TMPRSS5: variants seen among roughly 807,000 people sequenced by gnomAD.
TMPRSS5 encodes transmembrane serine protease 5, also known as transmembrane protease serine 5.
In TMPRSS5, 45 loss-of-function variants were observed where a neutral mutation model predicts 59.7. That is an observed-to-expected ratio of 0.75 (90% CI 0.59 to 0.97). TMPRSS5 has a LOEUF of 0.97. Among genes scored for constraint, TMPRSS5 ranks in the 50% least tolerant of loss-of-function variants. TMPRSS5 has a pLI of 0.00. For synonymous variants in TMPRSS5, 225 were observed against 232.0 expected (o/e 0.97, Z 0.27); for missense variants, 585 against 596.7 (o/e 0.98, Z 0.20).
intron 9 of TMPRSS5, among the ~76,000 whole-genome samples, chr11:113,691,882 C>CTTTTTT (rs1335395772): frequency 8.5e-5 from 6 of 70,754 alleles, no homozygotes; most frequent in Middle Eastern, 9.3e-3. Flanking sequence ...GTTTTCTTTT[C>CTTTTTT]CTTTTTTTTC....
intron 10 of TMPRSS5, 134 bp downstream of exon 10, chr11:113,690,707 C>A: frequency 2.3e-6 from 2 of 871,630 alleles, no homozygotes; most frequent in Non-Finnish European, 3.6e-6. Flanking sequence ...AGACCCTAGG[C>A]CTGACCAAGG....
chr11:113,696,848 G>A lies in TMPRSS5; in HGVS notation c.578+10C>T, dbSNP rs749116889. 1.3e-6 allele frequency: 2 copies of A among 1,548,218 alleles called. No individual in the cohort carries two copies. The highest frequency in any genetic ancestry group is 1.9e-5 in the Admixed American group (1 of 51,334). On this transcript the variant is annotated intron_variant, in intron 6 of 12. Coordinates refer to ENST00000299882, the MANE Select transcript of TMPRSS5 (RefSeq NM_030770.4). ...GGACCCCACTCACCTAACAGCCTCA[G>A]TAGTCCTACCTGGGCTGCCACGCCT...
In TMPRSS5 at chr11:113,694,631, G is replaced by C. The variant is rs61995945; in HGVS notation, c.632C>G (p.Ala211Gly). 1.9e-6 allele frequency: 3 copies of C among 1,546,800 alleles called. No homozygotes were observed. Among genetic ancestry groups the C allele is most frequent in the South Asian group, 1.2e-5 (1 of 83,490 alleles). The part of the protein sequence containing the change: ...VVSLRCSECG[A>G]RPLASRIVGG... Reference sequence around the variant, plus strand: ...AACTATCCGGGAAGCCAGGGGCCTCGCTCCACACTCTGCCAACAGAGATGG... The same window carrying C: ...AACTATCCGGGAAGCCAGGGGCCTCCCTCCACACTCTGCCAACAGAGATGG... Residue 211 changes from alanine (A) to glycine (G), a missense_variant, in exon 8 of 13, where the codon GCG (alanine) becomes GGG (glycine). Ala to Gly is a moderately conservative substitution (Grantham distance 60). Coordinates refer to ENST00000299882, the MANE Select transcript of TMPRSS5 (RefSeq NM_030770.4).
At chr11:113,699,203 GTCTGTCTGTCTC>G (rs1565263213) in intron 3 of TMPRSS5, among the ~76,000 whole-genome samples, 176 bp from the exon 4 acceptor site, 29 of 36,422 alleles carry the variant, frequency 8.0e-4, no homozygotes, top group African/African-American at 3.7e-3. Context: ...ACTCTCCTTT[GTCTGTCTGTCTC>G]TCTCTCTCTC....
chr11:113,699,423 G>C (rs901848412), intron 3 of TMPRSS5, among the ~76,000 whole-genome samples, 172 bp downstream of exon 3: 27 of 151,970 alleles, frequency 1.8e-4, no homozygotes, highest in African/African-American at 6.5e-4. Flanking sequence ...CATACACTTT[G>C]TTCTTCTTTA....
chr11:113,693,272 G>A (rs1487432423), intron 8 of TMPRSS5, 23 bp from the exon 9 acceptor site: 3 of 1,516,482 alleles, frequency 2.0e-6, no homozygotes, highest in Non-Finnish European at 2.7e-6. Context: ...GCCATGCTGA[G>A]CGGGGAAGGA....
At chr11:113,691,982 G>A (rs952434735) in intron 9 of TMPRSS5, among the ~76,000 whole-genome samples, 1 of 142,932 alleles carries the variant, frequency 7.0e-6, no homozygotes, top group African/African-American at 2.7e-5. Flanking sequence ...CTGCCTCCCA[G>A]GTTCAAGTGA....
intron 3 of TMPRSS5, among the ~76,000 whole-genome samples, chr11:113,699,264 T>TCCCCCCC (rs1565263726): frequency 1.0e-5 from 1 of 95,420 alleles, no homozygotes. Context: ...TCTCTCTCTC[T>TCCCCCCC]CTCTCTCCCT....
rs1190401271 is a variant in TMPRSS5, at chr11:113,690,821, G to A, written c.1063+20C>T. ...CTCCCACACCCGCCCCTGCACCGAG[G>A]GCCCAGGGAGCTGACTCACTATGGC... is the stretch of plus-strand genomic sequence containing the variant. On this transcript the variant is annotated intron_variant, in intron 10 of 12. Coordinates refer to ENST00000299882, the MANE Select transcript of TMPRSS5 (RefSeq NM_030770.4). The A allele has an allele frequency of 6.4e-7, 1 of 1,565,512 alleles. No homozygotes were observed. Among genetic ancestry groups the A allele is most frequent in the Admixed American group, 1.9e-5 (1 of 52,332 alleles).
intron 6 of TMPRSS5, 104 bp downstream of exon 6, chr11:113,696,754 C>T: frequency 2.7e-6 from 2 of 732,808 alleles, no homozygotes; most frequent in Non-Finnish European, 4.7e-6. Flanking sequence ...CTATCATAGG[C>T]CACCAGTGTC....
intron 1 of TMPRSS5, among the ~76,000 whole-genome samples, chr11:113,704,164 A>T (rs1291555397): frequency 6.6e-6 from 1 of 152,192 alleles, no homozygotes; most frequent in Non-Finnish European, 1.5e-5. Context: ...GTGTGTCTGC[A>T]GCTCATGAGC....
chr11:113,694,351 C>A, intron 8 of TMPRSS5, 127 bp downstream of exon 8: 1 of 868,814 alleles, frequency 1.2e-6, no homozygotes. Context: ...TTCACAAACA[C>A]CAGTCTTACC....
chr11:113,704,517 C>G lies in TMPRSS5; in HGVS notation c.3+1705G>C, dbSNP rs538730757. On this transcript the variant is annotated intron_variant, in intron 1 of 12. Transcript: ENST00000299882. ...CTCACAAAGTCCTCCATGATCTCGC[C>G]TGGCCTCACCTCTCCATCCTCACTG... Among the ~76,000 whole-genome samples, 13 of 152,250 alleles carry G rather than the reference C, an allele frequency of 8.5e-5. No individual in the cohort carries two copies. The South Asian group carries it at 2.7e-3, about 32-fold the overall frequency.
chr11:113,690,181 C>CCCCCCCCCCCCCCCCCAA, intron 11 of TMPRSS5, 50 bp downstream of exon 11: 1 of 699,644 alleles, frequency 1.4e-6, no homozygotes, highest in Non-Finnish European at 2.4e-6. Flanking sequence ...CCCCTGCCCT[C>CCCCCCCCCCCCCCCCCAA]CCACCCCCAC....
intron 12 of TMPRSS5, among the ~76,000 whole-genome samples, 187 bp from the exon 13 acceptor site, chr11:113,688,461 T>C (rs1336058048): frequency 6.6e-6 from 1 of 152,204 alleles, no homozygotes; most frequent in East Asian, 1.9e-4. Flanking sequence ...ACATTCCCTG[T>C]AAACTCCGAA....
rs189536082 is a variant in TMPRSS5, at chr11:113,694,318, T to C, written c.785+160A>G. On this transcript the variant is annotated intron_variant, in intron 8 of 12. Transcript: ENST00000299882. The stretch of plus-strand genomic sequence containing the variant: ...TATTACTGTTATTTGTGCAGATCTG[T>C]TCTTGATACTGAATGAGAGAACTTC... The C allele has an allele frequency of 6.5e-4, 402 of 614,134 alleles. 6 individuals carry two copies. The Admixed American group carries it at 0.011, about 16-fold the overall frequency. 38.0% of individuals were successfully genotyped at this position (614,134 alleles called of 1,614,324 possible). A position where few individuals can be genotyped will look rare whatever the true frequency, so the allele number is the denominator to read the frequency against.
At chr11:113,701,601 A>C (rs1481696078) in intron 1 of TMPRSS5, among the ~76,000 whole-genome samples, 1 of 152,004 alleles carries the variant, frequency 6.6e-6, no homozygotes, top group Admixed American at 6.6e-5. Context: ...CCACATGACC[A>C]ACACAGTCAA....
At position 113,693,135 on chromosome 11, in the gene TMPRSS5, G is replaced by T. The variant is rs1591376317; in HGVS notation, c.900C>A (p.Tyr300Ter). 6.3e-7 allele frequency: 1 copy of T among 1,597,508 alleles called. No individual in the cohort carries two copies. Among genetic ancestry groups the T allele is most frequent in the East Asian group, 2.3e-5 (1 of 44,194 alleles). ...LVERIIPHPL[Y>*]SAQNHDYDVA... ...CGTCGTAGTCATGATTCTGGGCACTGTAGAGGGGGTGTGGGATAATCCTCT... is the reference window on the plus strand; with the variant it reads ...CGTCGTAGTCATGATTCTGGGCACTTTAGAGGGGGTGTGGGATAATCCTCT... The change falls in exon 9 of 13, where the codon TAC becomes TAA. Residue 300 changes from tyrosine to a stop codon, truncating the protein, a stop_gained. Transcript: ENST00000299882. LOFTEE classifies it high-confidence loss of function.
rs370850402 is a variant in TMPRSS5 at position 113,698,997 on chromosome 11, G to C, written c.236C>G (p.Pro79Arg). 5.6e-6 allele frequency: 9 copies of C among 1,610,962 alleles called. No homozygotes were observed. The highest frequency in any genetic ancestry group is 7.6e-6 in the Non-Finnish European group (9 of 1,178,708). The stretch of plus-strand genomic sequence containing the variant: ...CTCATCCTGCAAGGTCCCGGAAATG[G>C]GCTGAGAGGCAGCAGGACACAGATA... Reference protein sequence around the residue: ...VLYLCPAASQPISGTLQDEEI... With the variant: ...VLYLCPAASQRISGTLQDEEI... Residue 79 changes from proline to arginine, a missense_variant, in exon 4 of 13, where the codon CCC becomes CGC. Pro to Arg is a moderately radical substitution (Grantham distance 103). Transcript: ENST00000299882.
Sources: gnomAD v4.1 joint callset for allele counts (sites outside exome capture counted in the v4.1 genomes callset) on GRCh38, gnomAD v4.1.1 for gene constraint, MANE v1.5 for transcripts, NCBI Gene and HGNC (gene_info 2026-07-23, HGNC 2026-07-21) for gene names.